CUL2: variants seen among roughly 807,000 people sequenced by gnomAD.
The protein encoded by CUL2 is cullin-2.
In CUL2, 22 loss-of-function variants were observed where a neutral mutation model predicts 110.2. That is an observed-to-expected ratio of 0.20 (90% CI 0.14 to 0.28). CUL2 has a LOEUF of 0.28. Among genes scored for constraint, CUL2 ranks in the 10% least tolerant of loss-of-function variants. The pLI, the probability that CUL2 is intolerant of heterozygous loss-of-function variation, is 1.00. For synonymous variants in CUL2, 279 were observed against 293.2 expected, an observed-to-expected ratio of 0.95 and a Z score of 0.49; for missense variants, 631 against 905.5, an observed-to-expected ratio of 0.70 and a Z score of 3.89.
chr10:35,034,435 C>G (rs2085566675), intron 10 of CUL2, among the ~76,000 whole-genome samples: 1 of 152,168 alleles, frequency 6.6e-6, no homozygotes, highest in Non-Finnish European at 1.5e-5. Context: ...TTGCCAAAAA[C>G]CAATCTGCAG....
At chr10:35,027,658 T>A (rs754769882) in intron 16 of CUL2, among the ~76,000 whole-genome samples, 4 of 152,142 alleles carry the variant, frequency 2.6e-5, no homozygotes, top group Non-Finnish European at 5.9e-5. Context: ...TAAGGCAGGA[T>A]GGATTAATTT....
intron 2 of CUL2, among the ~76,000 whole-genome samples, chr10:35,069,451 G>A (rs1275218468): frequency 6.6e-6 from 1 of 151,984 alleles, no homozygotes; most frequent in Non-Finnish European, 1.5e-5. Context: ...TGAGATAGGA[G>A]GATCTCTTGA....
intron 19 of CUL2, among the ~76,000 whole-genome samples, chr10:35,012,184 G>C (rs2084919576): frequency 1.3e-5 from 2 of 151,892 alleles, no homozygotes; most frequent in African/African-American, 4.8e-5. Flanking sequence ...CTCCTGAGCA[G>C]CTGGGATTAC....
At chr10:35,105,474 C>G (rs571796472) in intron 1 of CUL2, among the ~76,000 whole-genome samples, 8 of 150,298 alleles carry the variant, frequency 5.3e-5, no homozygotes, top group Admixed American at 2.0e-4. Context: ...TGCGGTGGCT[C>G]ACGCCAGTAA....
intron 1 of CUL2, among the ~76,000 whole-genome samples, chr10:35,117,189 A>T (rs989132679): frequency 6.6e-6 from 1 of 152,204 alleles, no homozygotes; most frequent in Non-Finnish European, 1.5e-5. Context: ...CTTGGGACAG[A>T]CACAACCAGA....
rs746025713 is a variant in CUL2, at chr10:35,071,264, C to T, written c.54G>A (p.Leu18=). The T allele has an allele frequency of 6.2e-7, 1 of 1,614,000 alleles. No individual in the cohort carries two copies. The highest frequency in any genetic ancestry group is 1.1e-5 in the South Asian group (1 of 91,074). Residue 18 remains leucine (L), a synonymous_variant, in exon 2 of 21, where the codon TTG becomes TTA. Transcript: ENST00000374749. ...VDFDETWNKL[L]TTIKAVVMLE... The stretch of plus-strand genomic sequence containing the variant: ...ACATGACCACGGCTTTTATTGTCGT[C>T]AAAAGTTTGTTCCATGTTTCATCAA...
intron 1 of CUL2, among the ~76,000 whole-genome samples, chr10:35,083,108 G>T (rs1238603176): frequency 6.9e-6 from 1 of 144,610 alleles, no homozygotes; most frequent in African/African-American, 2.6e-5. Flanking sequence ...AGTGAGCCAA[G>T]ATCGAGCCAC....
At chr10:35,052,289 A>G (rs1209988109) in intron 5 of CUL2, among the ~76,000 whole-genome samples, 1 of 152,164 alleles carries the variant, frequency 6.6e-6, no homozygotes, top group African/African-American at 2.4e-5. Flanking sequence ...TGGGGAGGCA[A>G]TACATGAAAA....
At chr10:35,049,120 G>C (rs1013527202) in intron 6 of CUL2, among the ~76,000 whole-genome samples, 1 of 152,166 alleles carries the variant, frequency 6.6e-6, no homozygotes, top group African/African-American at 2.4e-5. Context: ...TTCTATTCTA[G>C]ACTCCACAGG....
At chr10:35,067,723 AAC>A (rs1238552551) in intron 2 of CUL2, among the ~76,000 whole-genome samples, 2 of 151,170 alleles carry the variant, frequency 1.3e-5, no homozygotes, top group East Asian at 1.9e-4. Context: ...CAACCTGGGC[AAC>A]AGAGTGAGAC....
upstream of CUL2, among the ~76,000 whole-genome samples, chr10:35,092,038 A>T (rs2087217080): frequency 1.3e-5 from 2 of 151,962 alleles, no homozygotes; most frequent in South Asian, 4.1e-4. Context: ...CTGCGGCCTC[A>T]AACTCCTGGG....
chr10:35,055,016 T>C (rs577345957), intron 4 of CUL2, among the ~76,000 whole-genome samples: 3 of 152,314 alleles, frequency 2.0e-5, no homozygotes, highest in Non-Finnish European at 2.9e-5. Flanking sequence ...ATGGGCAAGA[T>C]TGACAGATAC....
intron 2 of CUL2, 130 bp downstream of exon 2, chr10:35,071,069 G>A: frequency 2.3e-6 from 2 of 851,272 alleles, no homozygotes; most frequent in Non-Finnish European, 3.6e-6. Context: ...TGATGAACTT[G>A]GAAATGTAGA....
intron 1 of CUL2, among the ~76,000 whole-genome samples, chr10:35,121,489 C>T (rs1418183804): frequency 1.3e-5 from 2 of 152,118 alleles, no homozygotes; most frequent in African/African-American, 4.8e-5. Context: ...CTAATGTATT[C>T]TTCTTCACAA....
At chr10:35,022,300 A>G (rs1424640546) in intron 17 of CUL2, among the ~76,000 whole-genome samples, 3 of 152,252 alleles carry the variant, frequency 2.0e-5, no homozygotes, top group Non-Finnish European at 4.4e-5. Context: ...CTCCAGCCAC[A>G]GGTCTTCTGA....
intron 1 of CUL2, among the ~76,000 whole-genome samples, chr10:35,077,322 CAAACAAACAAAAA>C (rs1227584550): frequency 3.5e-4 from 45 of 130,340 alleles, no homozygotes; most frequent in African/African-American, 1.1e-3. Context: ...CAAAAACAAA[CAAACAAACAAAAA>C]AAACAAACAA....
intron 17 of CUL2, among the ~76,000 whole-genome samples, chr10:35,024,775 TAAAG>T (rs1364255230): frequency 2.0e-5 from 3 of 152,192 alleles, no homozygotes; most frequent in South Asian, 2.1e-4. Flanking sequence ...GATGCTATAA[TAAAG>T]AAACTGGCAA....
In CUL2 at chr10:35,013,785, C is replaced by G; in HGVS notation, c.1903G>C (p.Glu635Gln). ...TTCATATTTAATGAAAACGAAGATT[C>G]TGCATCAATATCTTCCTACATTTAA... is the stretch of plus-strand genomic sequence containing the variant. ...HDSEKEDIDA[E>Q]SSFSLNMNFS... The change falls in exon 19 of 21, where the codon GAA becomes CAA. Residue 635 changes from glutamate to glutamine, a missense_variant. Around this residue, in one of 3 missense-constraint regions of CUL2, gnomAD observed 159 missense variants for 202.7 expected, o/e 0.78. Transcript: ENST00000374749. The G allele has an allele frequency of 6.6e-7, 1 of 1,519,416 alleles. No individual in the cohort carries two copies. The highest frequency in any genetic ancestry group is 8.9e-7 in the Non-Finnish European group (1 of 1,120,148). The allele number at this position is 1,519,416 out of a possible 1,614,324, so 94.1% of individuals were successfully genotyped here. A position where few individuals can be genotyped will look rare whatever the true frequency, so the allele number is the denominator to read the frequency against.
At chr10:35,075,628 G>A (rs2086795823) in intron 1 of CUL2, among the ~76,000 whole-genome samples, 2 of 131,812 alleles carry the variant, frequency 1.5e-5, no homozygotes, top group Non-Finnish European at 3.2e-5. Context: ...CCACTTATGG[G>A]CCCTAAAACA....
Sources: gnomAD v4.1 joint callset for allele counts (sites outside exome capture counted in the v4.1 genomes callset) on GRCh38, gnomAD v4.1.1 for gene constraint, gnomAD v4.1.1 regional missense constraint, MANE v1.5 for transcripts, NCBI Gene and HGNC (gene_info 2026-07-23, HGNC 2026-07-21) for gene names.